Variants in FANCL observed in about 807,000 individuals in gnomAD.
FANCL encodes the protein FA complementation group L.
Under a neutral mutation model 59.4 loss-of-function variants are expected in FANCL, and 69 were observed. That is an observed-to-expected ratio of 1.16 (90% confidence interval 0.96 to 1.42). The LOEUF is 1.42. Ranked by LOEUF, FANCL falls within the 40% of genes most tolerant of loss-of-function variation. The pLI is 0.00. For synonymous variants in FANCL, 180 were observed against 147.1 expected, an observed-to-expected ratio of 1.22 and a Z score of -1.62; for missense variants, 519 against 447.2, an observed-to-expected ratio of 1.16 and a Z score of -1.45.
chr2:58,223,944 A>C (rs1692723170), intron 4 of FANCL, among the ~76,000 whole-genome samples: 1 of 151,894 alleles, frequency 6.6e-6, no homozygotes, highest in East Asian at 1.9e-4. Flanking sequence ...ATACAGCCTA[A>C]CACTAATAAT....
At chr2:58,183,201 A>G (rs913681845) in intron 7 of FANCL, among the ~76,000 whole-genome samples, 45 of 151,700 alleles carry the variant, frequency 3.0e-4, no homozygotes, top group Admixed American at 1.1e-3. Flanking sequence ...AAATGAACAG[A>G]TAATAGAAAA....
intron 5 of FANCL, among the ~76,000 whole-genome samples, chr2:58,218,961 C>A (rs1037822815): frequency 6.7e-6 from 1 of 149,792 alleles, no homozygotes; most frequent in Admixed American, 6.6e-5. Flanking sequence ...CATTTTTCAG[C>A]TAAGAAGGCC....
Position 58,237,483 on chromosome 2 carries a change from C to A in FANCL, c.96+3735G>T, listed in dbSNP as rs549948009. ...CCAGTATTCAAAAGAAAATTTAAAG[C>A]ACTAAATATCTGTACTAGAATAGAA... On this transcript the variant is annotated intron_variant, in intron 1 of 13. Transcript: ENST00000233741. 1.2e-3 allele frequency among the ~76,000 whole-genome samples: 179 copies of A among 152,014 alleles called. 1 individual carries two copies. The highest frequency in any genetic ancestry group is 2.0e-3 in the Non-Finnish European group (135 of 67,932).
intron 4 of FANCL, among the ~76,000 whole-genome samples, chr2:58,224,181 G>C (rs1692742417): frequency 6.6e-6 from 1 of 151,740 alleles, no homozygotes; most frequent in Non-Finnish European, 1.5e-5. Context: ...ACAATTTAAT[G>C]AAGTTATTTT....
chr2:58,182,891 C>A (rs1186742652), intron 7 of FANCL, among the ~76,000 whole-genome samples: 1 of 151,708 alleles, frequency 6.6e-6, no homozygotes, highest in Admixed American at 6.6e-5. Context: ...AGTCTCATCC[C>A]TAGCTCTACC....
chr2:58,171,070 T>C (rs1573554599), intron 7 of FANCL, among the ~76,000 whole-genome samples: 1 of 152,134 alleles, frequency 6.6e-6, no homozygotes, highest in African/African-American at 2.4e-5. Flanking sequence ...TAACAAAACA[T>C]ACATTCCTCT....
rs756773258 is a variant in FANCL at position 58,162,847 on chromosome 2, A to G, written c.903+19T>C. 2 of 1,599,358 alleles carry G rather than the reference A, an allele frequency of 1.3e-6. No homozygotes were observed. The highest frequency in any genetic ancestry group is 1.1e-5 in the South Asian group (1 of 90,756). On this transcript the variant is annotated intron_variant, in intron 11 of 13. Coordinates refer to ENST00000233741, the MANE Select transcript of FANCL (RefSeq NM_018062.4). ...TTATGCAATACTGTCTGGAATATCAAAACACTGATAAAACTTACAGATTTT... is the reference window on the plus strand; with the variant it reads ...TTATGCAATACTGTCTGGAATATCAGAACACTGATAAAACTTACAGATTTT...
chr2:58,189,910 A>T (rs1278390482), intron 7 of FANCL, among the ~76,000 whole-genome samples: 1 of 151,992 alleles, frequency 6.6e-6, no homozygotes, highest in Non-Finnish European at 1.5e-5. Context: ...ACTTGCAGAT[A>T]AATCCCCTAA....
At chr2:58,195,713 T>C (rs1689360674) in intron 7 of FANCL, among the ~76,000 whole-genome samples, 1 of 151,786 alleles carries the variant, frequency 6.6e-6, no homozygotes, top group Admixed American at 6.6e-5. Context: ...AGGAAAAAAA[T>C]ATAGGCTAAG....
chr2:58,173,224 T>C (rs1261465375), intron 7 of FANCL, among the ~76,000 whole-genome samples: 4 of 152,136 alleles, frequency 2.6e-5, no homozygotes, highest in Non-Finnish European at 5.9e-5. Flanking sequence ...CAGGATATTA[T>C]CCAGGAGAAC....
chr2:58,161,263 T>C (rs1351525704), intron 12 of FANCL, among the ~76,000 whole-genome samples: 1 of 152,012 alleles, frequency 6.6e-6, no homozygotes, highest in African/African-American at 2.4e-5. Flanking sequence ...TAATTTGTTA[T>C]GTGTCAATAA....
chr2:58,179,336 C>T (rs1172159487), intron 7 of FANCL, among the ~76,000 whole-genome samples: 1 of 152,178 alleles, frequency 6.6e-6, no homozygotes, highest in Admixed American at 6.5e-5. Context: ...TCAAACTATA[C>T]TGCAAGGCAT....
chr2:58,217,205 TATATATATATACAC>T (rs1373385937), intron 5 of FANCL, among the ~76,000 whole-genome samples: 101 of 8,854 alleles, frequency 0.011, 2 homozygotes, highest in African/African-American at 0.036. Flanking sequence ...TATATATATA[TATATATATATACAC>T]ACACACACAC....
intron 7 of FANCL, among the ~76,000 whole-genome samples, chr2:58,183,773 T>C (rs966573557): frequency 2.0e-5 from 3 of 151,922 alleles, no homozygotes; most frequent in East Asian, 1.9e-4. Context: ...ATGCTCACAG[T>C]ATAGCAAAAA....
intron 7 of FANCL, among the ~76,000 whole-genome samples, chr2:58,177,977 C>T (rs1482677590): frequency 6.6e-6 from 1 of 151,986 alleles, no homozygotes; most frequent in Non-Finnish European, 1.5e-5. Context: ...CACAAATAAA[C>T]TAGAAAATCT....
chr2:58,199,767 T>TA (rs1176349375), intron 6 of FANCL, among the ~76,000 whole-genome samples: 2 of 152,206 alleles, frequency 1.3e-5, no homozygotes, highest in Admixed American at 6.5e-5. Context: ...TTCTTTTCAT[T>TA]AAAAAGCTAA....
intron 7 of FANCL, among the ~76,000 whole-genome samples, chr2:58,173,838 T>C (rs1686953374): frequency 6.6e-6 from 1 of 152,078 alleles, no homozygotes; most frequent in Admixed American, 6.6e-5. Flanking sequence ...AGACATAGAC[T>C]GGCTAATTGG....
chr2:58,231,936 C>A, intron 2 of FANCL, 118 bp downstream of exon 2: 1 of 797,964 alleles, frequency 1.3e-6, no homozygotes, highest in Non-Finnish European at 2.1e-6. Flanking sequence ...TCTTTTGGGG[C>A]AAATGACTAA....
chr2:58,165,801 T>G lies in FANCL; in HGVS notation c.614A>C (p.Asp205Ala), dbSNP rs1467106277. Residue 205 changes from aspartate to alanine, a missense_variant, in exon 8 of 14, where the codon GAT becomes GCT. Asp to Ala is a moderately radical substitution (Grantham distance 126). Coordinates refer to ENST00000233741, the MANE Select transcript of FANCL (RefSeq NM_018062.4). ...TACCCAGGTCTTCTCATCGATTTCA[T>G]CCATAACATCCCAGAATGCCTTTAG... ...ESLKAFWDVM[D>A]EIDEKTWVLE... The G allele has an allele frequency of 1.2e-6, 2 of 1,614,002 alleles. No individual in the cohort carries two copies. The highest frequency in any genetic ancestry group is 3.3e-5 in the Admixed American group (2 of 59,998).
Sources: gnomAD v4.1 joint callset for allele counts (sites outside exome capture counted in the v4.1 genomes callset) on GRCh38, gnomAD v4.1.1 for gene constraint, MANE v1.5 for transcripts, NCBI Gene and HGNC (gene_info 2026-07-23, HGNC 2026-07-21) for gene names.